The following RUNX1T1 variants were observed in gnomAD, a reference collection of about 807,000 sequenced individuals.
RUNX1T1 encodes the protein protein CBFA2T1.
In RUNX1T1, 4 loss-of-function variants were observed where a neutral mutation model predicts 62.8. That is an observed-to-expected ratio of 0.06 (90% confidence interval 0.03 to 0.15). The LOEUF (loss-of-function observed/expected upper bound fraction) is 0.15. Ranked by LOEUF, RUNX1T1 falls within the 10% of genes least tolerant of loss-of-function variation. RUNX1T1 has a pLI of 1.00. For synonymous variants in RUNX1T1, 291 were observed against 286.0 expected (o/e 1.02, Z -0.18); for missense variants, 508 against 754.3 (o/e 0.67, Z 3.82).
At chr8:92,060,522 AATATAT>A (rs61066655) in intron 1 of RUNX1T1, among the ~76,000 whole-genome samples, 999 of 76,296 alleles carry the variant, frequency 0.013, 30 homozygotes, top group African/African-American at 0.046. Flanking sequence ...TCAACTACCA[AATATAT>A]ATATATATAT....
intron 1 of RUNX1T1, among the ~76,000 whole-genome samples, chr8:92,043,704 C>T (rs950424662): frequency 5.9e-5 from 9 of 151,884 alleles, no homozygotes; most frequent in East Asian, 3.9e-4. Flanking sequence ...TAGCCGGGTG[C>T]GGTGGCTCAC....
At chr8:92,011,804 TA>T (rs1156567938) in intron 3 of RUNX1T1, among the ~76,000 whole-genome samples, 6 of 152,092 alleles carry the variant, frequency 3.9e-5, no homozygotes, top group African/African-American at 1.4e-4. Flanking sequence ...CTACCTTATA[TA>T]AAAAAACAAG....
intron 1 of RUNX1T1, among the ~76,000 whole-genome samples, chr8:92,040,491 G>A (rs1157531314): frequency 6.6e-6 from 1 of 152,136 alleles, no homozygotes; most frequent in Non-Finnish European, 1.5e-5. Context: ...GCAAACTGCT[G>A]TTAAGTCAAA....
intron 5 of RUNX1T1, among the ~76,000 whole-genome samples, chr8:91,993,089 T>C (rs905413268): frequency 1.3e-5 from 2 of 152,226 alleles, no homozygotes; most frequent in African/African-American, 2.4e-5. Context: ...CGTTTTCTCA[T>C]AAGAATTCTA....
At chr8:92,032,125 C>T (rs1262706914) in intron 1 of RUNX1T1, among the ~76,000 whole-genome samples, 1 of 120,356 alleles carries the variant, frequency 8.3e-6, no homozygotes, top group African/African-American at 3.1e-5. Flanking sequence ...AAAAGCATGA[C>T]AAAACTATAA....
At chr8:91,978,880 A>G (rs1814568299) in intron 8 of RUNX1T1, among the ~76,000 whole-genome samples, 1 of 152,214 alleles carries the variant, frequency 6.6e-6, no homozygotes, top group Non-Finnish European at 1.5e-5. Flanking sequence ...TCTCACTGAC[A>G]TACTGCCATG....
intron 1 of RUNX1T1, among the ~76,000 whole-genome samples, chr8:92,034,670 ATGTGTG>A (rs35165263): frequency 1.3e-5 from 2 of 148,962 alleles, no homozygotes; most frequent in African/African-American, 2.5e-5. Flanking sequence ...GCATATATAT[ATGTGTG>A]TGTGTGTGTG....
chr8:91,968,522 T>C (rs1179976872), intron 10 of RUNX1T1, among the ~76,000 whole-genome samples: 1 of 152,202 alleles, frequency 6.6e-6, no homozygotes, highest in Admixed American at 6.5e-5. Context: ...TTTTCCATCT[T>C]TCTTTCTTCT....
At chr8:92,032,973 T>G (rs1457222706) in intron 1 of RUNX1T1, among the ~76,000 whole-genome samples, 1 of 152,180 alleles carries the variant, frequency 6.6e-6, no homozygotes, top group Non-Finnish European at 1.5e-5. Flanking sequence ...AAAATGATAG[T>G]TTTTTAATTA....
exon 3 of RUNX1T1, chr8:92,014,738 A>C: frequency 1.2e-6 from 2 of 1,614,158 alleles, no homozygotes; most frequent in South Asian, 2.2e-5. Flanking sequence ...AGGAGGAAGA[A>C]GAGGAAGGCC....
chr8:92,008,388 TCACACACACA>T lies in RUNX1T1; in HGVS notation c.477+2604_477+2613del, dbSNP rs566293413. Among the ~76,000 whole-genome samples, 433 of 131,950 alleles carry T rather than the reference TCACACACACA, an allele frequency of 3.3e-3. 2 individuals carry two copies. Among genetic ancestry groups the T allele is most frequent in the Admixed American group, 0.012 (150 of 12,746 alleles). 86.6% of individuals were successfully genotyped at this position (131,950 alleles called of 152,430 possible). A position where few individuals can be genotyped will look rare whatever the true frequency, so the allele number is the denominator to read the frequency against. On this transcript the variant is annotated intron_variant, in intron 4 of 10. Transcript: ENST00000396218. ...ACATATCTCTCTCTCTCTCTCTCTC[TCACACACACA>T]CACACACACACACACACACACACAC...
chr8:92,102,881 C>G, upstream of RUNX1T1: 1 of 1,521,328 alleles, frequency 6.6e-7, no homozygotes, highest in Non-Finnish European at 8.8e-7. The surrounding 1 kb of genome is among the most constrained non-coding windows in gnomAD (Gnocchi z 4.5). Context: ...GAGAGTCCCA[C>G]CATCCGCCAC....
Position 91,991,096 on chromosome 8 carries a change from G to T in RUNX1T1, c.910+543C>A, listed in dbSNP as rs75189904. ...CTGTCAATATTAACTTTAATCACTG[G>T]CATTTTCAAGTAAAAAAAAGTACCA... On this transcript the variant is annotated intron_variant, in intron 6 of 10. Transcript: ENST00000396218. 7.6e-3 allele frequency among the ~76,000 whole-genome samples: 1,152 copies of T among 152,078 alleles called. 12 individuals carry two copies. The highest frequency in any genetic ancestry group is 0.048 in the Middle Eastern group (14 of 294).
At chr8:91,970,484 T>C (rs1056850017) in intron 10 of RUNX1T1, among the ~76,000 whole-genome samples, 174 bp downstream of exon 11, 1 of 152,198 alleles carries the variant, frequency 6.6e-6, no homozygotes, top group East Asian at 1.9e-4. Flanking sequence ...AGGTGTTCAA[T>C]AAAAAGACAA....
chr8:91,965,600 C>G (rs1383082310), intron 10 of RUNX1T1, among the ~76,000 whole-genome samples: 1 of 152,116 alleles, frequency 6.6e-6, no homozygotes, highest in Non-Finnish European at 1.5e-5. Context: ...CTGTAGGTAC[C>G]TCCACCAGGA....
chr8:92,020,134 A>C (rs1587052914), intron 1 of RUNX1T1, among the ~76,000 whole-genome samples: 1 of 152,350 alleles, frequency 6.6e-6, no homozygotes, highest in East Asian at 1.9e-4. Flanking sequence ...TGTTCAGTGC[A>C]ATCAATCCAG....
At chr8:92,092,604 A>C (rs1837202842) in intron 1 of RUNX1T1, among the ~76,000 whole-genome samples, 1 of 152,208 alleles carries the variant, frequency 6.6e-6, no homozygotes, top group Non-Finnish European at 1.5e-5. Flanking sequence ...GTAAGTTAAA[A>C]ATTGTAGTAT....
intron 1 of RUNX1T1, among the ~76,000 whole-genome samples, chr8:92,092,618 A>G (rs956145747): frequency 2.6e-5 from 4 of 152,224 alleles, no homozygotes; most frequent in South Asian, 2.1e-4. Flanking sequence ...GTAGTATTAG[A>G]GAATGTAAGG....
At chr8:92,076,450 T>G (rs1349090384) in intron 1 of RUNX1T1, among the ~76,000 whole-genome samples, 2 of 152,162 alleles carry the variant, frequency 1.3e-5, no homozygotes, top group South Asian at 4.1e-4. Flanking sequence ...AAGAGAATGT[T>G]ACATTTTACC....
Sources: gnomAD v4.1 joint callset for allele counts (sites outside exome capture counted in the v4.1 genomes callset) on GRCh38, gnomAD v4.1.1 for gene constraint, Gnocchi (gnomAD v3.1) non-coding constraint, MANE v1.5 for transcripts, NCBI Gene and HGNC (gene_info 2026-07-23, HGNC 2026-07-21) for gene names.